The following LARS1 variants were observed in gnomAD, a reference collection of about 807,000 sequenced individuals.
The protein encoded by LARS1 is leucine--tRNA ligase, cytoplasmic.
LARS1 carries 100 observed loss-of-function variants against 162.8 expected under a neutral mutation model. That is an observed-to-expected ratio of 0.61 (90% CI 0.52 to 0.73). The LOEUF is 0.73. Among genes scored for constraint, LARS1 ranks in the 30% least tolerant of loss-of-function variants. The probability of loss-of-function intolerance (pLI) is 0.00; values close to 1 mark genes in which losing one functional copy is unlikely to be tolerated. For synonymous variants in LARS1, 457 were observed against 462.8 expected (o/e 0.99, Z 0.16); for missense variants, 1,258 against 1,408.9 (o/e 0.89, Z 1.71).
chr5:146,177,745 C>T, intron 1 of LARS1, 80 bp from the exon 2 acceptor site: 1 of 600,082 alleles, frequency 1.7e-6, no homozygotes, highest in Admixed American at 2.9e-5. Context: ...CAGAACTGAG[C>T]TGCTCACTGA....
intron 2 of LARS1, among the ~76,000 whole-genome samples, chr5:146,173,871 C>T (rs368464369): frequency 4.6e-5 from 7 of 152,046 alleles, no homozygotes; most frequent in East Asian, 1.9e-4. Context: ...CATTTAGTTT[C>T]GCTCACTTGT....
intron 14 of LARS1, 46 bp from the exon 15 acceptor site, chr5:146,149,745 A>G (rs769895781): frequency 7.3e-7 from 1 of 1,377,518 alleles, no homozygotes; most frequent in East Asian, 2.3e-5. Flanking sequence ...AACAGTTAGA[A>G]TCTGCCTTGA....
intron 30 of LARS1, among the ~76,000 whole-genome samples, chr5:146,121,801 G>A (rs1449306408): frequency 1.3e-5 from 2 of 152,074 alleles, no homozygotes; most frequent in Non-Finnish European, 2.9e-5. Context: ...ATAGGGAGGA[G>A]AATATCACAC....
chr5:146,140,537 G>C lies in LARS1; in HGVS notation c.2091-276C>G, dbSNP rs542936332. Among the ~76,000 whole-genome samples, 19 of 152,380 alleles carry C rather than the reference G, an allele frequency of 1.2e-4. No individual in the cohort carries two copies. In the South Asian group the frequency reaches 3.9e-3, roughly 32 times the overall value. On this transcript the variant is annotated intron_variant, in intron 20 of 31. Coordinates refer to ENST00000394434, the MANE Select transcript of LARS1 (RefSeq NM_020117.11). ...AAAATATATGTGAAGGCTGGGCGCA[G>C]TGGCTCACGCCCGTAATCCCAGCAC...
intron 8 of LARS1, 41 bp downstream of exon 8, chr5:146,159,366 A>G: frequency 1.4e-6 from 2 of 1,479,790 alleles, no homozygotes; most frequent in Non-Finnish European, 1.9e-6. Flanking sequence ...TAGTCTTATT[A>G]AGGATTATTA....
chr5:146,120,201 A>T, intron 31 of LARS1, 170 bp downstream of exon 31: 1 of 682,450 alleles, frequency 1.5e-6, no homozygotes, highest in Non-Finnish European at 2.4e-6. Context: ...TAAGCTACCT[A>T]GCCACAGAGT....
intron 5 of LARS1, among the ~76,000 whole-genome samples, chr5:146,166,952 CAT>C (rs1248024620): frequency 6.6e-6 from 1 of 152,162 alleles, no homozygotes; most frequent in East Asian, 1.9e-4. Flanking sequence ...ATATCAGTAT[CAT>C]ATACTCCCTA....
At chr5:146,178,956 GT>G in intron 1 of LARS1, among the ~76,000 whole-genome samples, 1 of 151,848 alleles carries the variant, frequency 6.6e-6, no homozygotes, top group African/African-American at 2.4e-5. Flanking sequence ...TTTTGGCCAG[GT>G]TTGGTGGCTC....
chr5:146,120,587 G>A, intron 30 of LARS1, 84 bp from the exon 31 acceptor site: 1 of 1,316,142 alleles, frequency 7.6e-7, no homozygotes, highest in Non-Finnish European at 1.1e-6. Flanking sequence ...AATGCCCAAT[G>A]AAAGACAGAT....
intron 15 of LARS1, among the ~76,000 whole-genome samples, chr5:146,147,957 A>G (rs1253103629): frequency 5.3e-5 from 8 of 152,336 alleles, no homozygotes; most frequent in Admixed American, 2.0e-4. Context: ...AACATCAGTC[A>G]CTACCAGAAG....
intron 28 of LARS1, among the ~76,000 whole-genome samples, chr5:146,124,370 T>C (rs1182117528): frequency 2.6e-5 from 4 of 151,716 alleles, no homozygotes; most frequent in African/African-American, 9.7e-5. Context: ...GGTTTTATGA[T>C]TGTTTATTTA....
At chr5:146,162,503 C>T (rs1287118344) in intron 6 of LARS1, among the ~76,000 whole-genome samples, 5 of 152,166 alleles carry the variant, frequency 3.3e-5, no homozygotes, top group African/African-American at 1.2e-4. Flanking sequence ...TGTGCTGTCA[C>T]CCAGGCTTTA....
intron 20 of LARS1, among the ~76,000 whole-genome samples, chr5:146,142,052 C>T (rs954461671): frequency 6.6e-6 from 1 of 151,970 alleles, no homozygotes; most frequent in South Asian, 2.1e-4. Flanking sequence ...CCCAGCTACT[C>T]GGGAGGCTGA....
At chr5:146,130,933 G>A (rs1168889748) in intron 24 of LARS1, 86 bp downstream of exon 24, 5 of 662,408 alleles carry the variant, frequency 7.5e-6, no homozygotes, top group Non-Finnish European at 1.3e-5. Context: ...GCGAGTAATT[G>A]TGCTATAGCA....
At position 146,182,532 on chromosome 5, in the gene LARS1, C is replaced by A. The variant is rs1184285205; in HGVS notation, c.-39G>T. 1 of 1,613,958 alleles carries A rather than the reference C, an allele frequency of 6.2e-7. No homozygotes were observed. Among genetic ancestry groups the A allele is most frequent in the Admixed American group, 1.7e-5 (1 of 60,010 alleles). On this transcript the variant is annotated 5_prime_UTR_variant, in exon 1 of 32. Transcript: ENST00000394434. ...CGACTGTGCAAATCCACGACAATGA[C>A]CCTGGCGACCTCCACAAAGGAGTGG...
chr5:146,149,213 C>T (rs11954977), intron 15 of LARS1, among the ~76,000 whole-genome samples: 33,873 of 152,078 alleles, frequency 0.22, 4,827 homozygotes, highest in Admixed American at 0.34. Flanking sequence ...CATTGTCTCT[C>T]ATAGTATTAT....
At chr5:146,154,604 C>T (rs913083965) in intron 10 of LARS1, among the ~76,000 whole-genome samples, 1 of 151,854 alleles carries the variant, frequency 6.6e-6, no homozygotes, top group Non-Finnish European at 1.5e-5. Context: ...ATGGTGAAAC[C>T]CCGTCTCTAC....
At chr5:146,179,624 G>A in intron 1 of LARS1, 1 of 407,238 alleles carries the variant, frequency 2.5e-6, no homozygotes, top group Non-Finnish European at 5.0e-6. Flanking sequence ...AGAGAGAGAG[G>A]GTCTCCCTCT....
intron 4 of LARS1, among the ~76,000 whole-genome samples, chr5:146,170,317 A>C (rs1364264159): frequency 6.6e-6 from 1 of 151,836 alleles, no homozygotes; most frequent in African/African-American, 2.4e-5. Context: ...AAATACAAAA[A>C]ACATTAGCCA....
Sources: allele counts gnomAD v4.1 joint callset (sites outside exome capture counted in the v4.1 genomes callset), GRCh38; gene constraint gnomAD v4.1.1; transcripts MANE v1.5; gene names NCBI Gene and HGNC (gene_info 2026-07-23, HGNC 2026-07-21).